The following WDR1 variants were observed in gnomAD, a reference collection of about 807,000 sequenced individuals.
WDR1 encodes WD repeat domain 1, also known as WD repeat-containing protein 1.
WDR1 carries 21 observed loss-of-function variants against 71.9 expected under a neutral mutation model. The ratio of observed to expected loss-of-function variants is 0.29; its 90% confidence interval spans 0.21 to 0.42. The LOEUF is 0.42. Among genes scored for constraint, WDR1 ranks in the 10% least tolerant of loss-of-function variants. The pLI, the probability that WDR1 is intolerant of heterozygous loss-of-function variation, is 1.00. For missense variants in WDR1, 696 were observed against 824.5 expected, an observed-to-expected ratio of 0.84 and a Z score of 1.91; for synonymous variants, 424 against 347.4, an observed-to-expected ratio of 1.22 and a Z score of -2.45.
Position 10,077,874 on chromosome 4 carries a change from C to A in WDR1, c.1448G>T (p.Gly483Val), listed in dbSNP as rs1241526381. ...GGGGCCCTTGGCCTCTAGGAGCTTG[C>A]CCTCATCCTTCAGCGTGGTGCCCAG... ...SILGTTLKDEGKLLEAKGPVT... is the reference protein window; with the variant it reads ...SILGTTLKDEVKLLEAKGPVT... Residue 483 changes from glycine (G) to valine (V), a missense_variant, in exon 13 of 15, where the codon GGC becomes GTC. Physicochemically the swap from Gly to Val is moderately radical, Grantham distance 109 (BLOSUM62 -3). Coordinates refer to ENST00000499869, the MANE Select transcript of WDR1 (RefSeq NM_017491.5). 1 of 1,611,432 alleles carries A rather than the reference C, an allele frequency of 6.2e-7. No homozygotes were observed. The highest frequency in any genetic ancestry group is 2.2e-5 in the East Asian group (1 of 44,768).
intron 9 of WDR1, among the ~76,000 whole-genome samples, chr4:10,083,430 C>T (rs1440576996): frequency 6.6e-6 from 1 of 152,190 alleles, no homozygotes; most frequent in Non-Finnish European, 1.5e-5. Context: ...TACTGGGGAC[C>T]AGCAAGCTGG....
chr4:10,102,031 CA>C (rs1412882561), intron 3 of WDR1, among the ~76,000 whole-genome samples: 3 of 152,228 alleles, frequency 2.0e-5, no homozygotes, highest in Non-Finnish European at 4.4e-5. Flanking sequence ...TACTATGAGC[CA>C]GACTCCGGGC....
intron 8 of WDR1, among the ~76,000 whole-genome samples, chr4:10,086,222 C>T (rs1348460135): frequency 1.3e-5 from 2 of 152,194 alleles, no homozygotes; most frequent in Non-Finnish European, 2.9e-5. Flanking sequence ...CCTCAGCTCC[C>T]CCAGGCAACA....
At chr4:10,105,426 C>A (rs566432787) in intron 2 of WDR1, among the ~76,000 whole-genome samples, 1 of 152,196 alleles carries the variant, frequency 6.6e-6, no homozygotes, top group Admixed American at 6.5e-5. Context: ...ATAAATTAAT[C>A]CATTTTGGGA....
intron 6 of WDR1, 50 bp downstream of exon 6, chr4:10,088,614 G>A: frequency 6.8e-7 from 1 of 1,479,682 alleles, no homozygotes; most frequent in Admixed American, 1.9e-5. Context: ...GCAGTCACGG[G>A]AGCAGGCAGA....
intron 7 of WDR1, 134 bp from the exon 8 acceptor site, chr4:10,088,074 G>T (rs1578425213): frequency 1.0e-6 from 1 of 958,768 alleles, no homozygotes; most frequent in Non-Finnish European, 1.6e-6. Flanking sequence ...CATGAGTGAG[G>T]CCAAGGACAA....
intron 5 of WDR1, chr4:10,093,029 A>G: frequency 7.8e-7 from 1 of 1,284,632 alleles, no homozygotes; most frequent in South Asian, 1.2e-5. Context: ...TCCCACCAAT[A>G]TGCTCCCTCT....
intron 5 of WDR1, among the ~76,000 whole-genome samples, chr4:10,091,362 C>T (rs1004409579): frequency 2.0e-5 from 3 of 152,206 alleles, no homozygotes; most frequent in Non-Finnish European, 4.4e-5. Flanking sequence ...CCAGAAGGCC[C>T]GATCCACTCA....
At chr4:10,100,149 C>T (rs1712603055) in intron 3 of WDR1, among the ~76,000 whole-genome samples, 1 of 152,234 alleles carries the variant, frequency 6.6e-6, no homozygotes, top group East Asian at 1.9e-4. Context: ...ACAACCACCA[C>T]AGCTCTACAG....
At chr4:10,093,307 G>T (rs3822241) in intron 5 of WDR1, 1 of 200,686 alleles carries the variant, frequency 5.0e-6, no homozygotes, top group African/African-American at 2.4e-5. Flanking sequence ...ACAGGCTCTC[G>T]GTCCCCTGTG....
rs772793355 is a variant in WDR1, at chr4:10,078,952, C to A, written c.1334G>T (p.Gly445Val). The A allele has an allele frequency of 6.2e-6, 10 of 1,612,662 alleles. No homozygotes were observed. Among genetic ancestry groups the A allele is most frequent in the Non-Finnish European group, 5.9e-6 (7 of 1,179,234 alleles). ...QRKCFSIDNP[G>V]YEPEVVAVHP... Reference sequence around the variant, plus strand: ...CACTGCCACAACTTCGGGCTCGTAGCCGGGGTTGTCGATGCTGAAGCACTT... The same window carrying A: ...CACTGCCACAACTTCGGGCTCGTAGACGGGGTTGTCGATGCTGAAGCACTT... The change falls in exon 12 of 15, where the codon GGC becomes GTC. Residue 445 changes from glycine (G) to valine (V), a missense_variant. Gly to Val is a moderately radical substitution (Grantham distance 109, BLOSUM62 -3). Coordinates refer to ENST00000499869, the MANE Select transcript of WDR1 (RefSeq NM_017491.5).
intron 5 of WDR1, among the ~76,000 whole-genome samples, chr4:10,095,069 G>A (rs572648351): frequency 6.6e-6 from 1 of 152,348 alleles, no homozygotes; most frequent in East Asian, 1.9e-4. Context: ...GCCACAGGGG[G>A]CCTCTGCAGG....
At chr4:10,088,424 A>C in intron 6 of WDR1, 51 bp from the exon 7 acceptor site, 1 of 1,512,682 alleles carries the variant, frequency 6.6e-7, no homozygotes, top group Non-Finnish European at 9.0e-7. Context: ...CACCCTCTGG[A>C]GTAAGCAGTT....
intron 6 of WDR1, 132 bp from the exon 7 acceptor site, chr4:10,088,505 A>T (rs921609634): frequency 8.8e-7 from 1 of 1,134,616 alleles, no homozygotes; most frequent in Non-Finnish European, 1.3e-6. Context: ...AAAAGCAGAC[A>T]TGCATTTACT....
Position 10,104,081 on chromosome 4 carries a change from C to T in WDR1, c.139-95G>A, listed in dbSNP as rs1454323021. ...ACAGATATGGGGTGAAAGGGGTGTA[C>T]AAAGAAACACTGAAGCTAAAACCGT... On this transcript the variant is annotated intron_variant, in intron 2 of 14. Transcript: ENST00000499869. The T allele has an allele frequency of 7.9e-6, 10 of 1,269,442 alleles. No individual in the cohort carries two copies. The East Asian group carries it at 2.3e-4, about 29-fold the overall frequency. 78.6% of individuals were successfully genotyped at this position (1,269,442 alleles called of 1,614,324 possible).
intron 5 of WDR1, among the ~76,000 whole-genome samples, chr4:10,094,190 C>T (rs1050879293): frequency 4.6e-5 from 7 of 152,202 alleles, no homozygotes; most frequent in African/African-American, 9.7e-5. Flanking sequence ...GCCCCCAGGA[C>T]GACATGCTGC....
At chr4:10,112,455 T>C (rs1713444487) in intron 2 of WDR1, among the ~76,000 whole-genome samples, 1 of 152,178 alleles carries the variant, frequency 6.6e-6, no homozygotes, top group African/African-American at 2.4e-5. Flanking sequence ...ACCATTATAG[T>C]CTTTCACTCT....
intron 2 of WDR1, among the ~76,000 whole-genome samples, chr4:10,109,896 G>A (rs191403807): frequency 5.6e-4 from 85 of 152,298 alleles, no homozygotes; most frequent in South Asian, 1.0e-3. Context: ...CCCTGCCAGG[G>A]CCCAGACAAC....
intron 2 of WDR1, among the ~76,000 whole-genome samples, chr4:10,106,812 G>C (rs1004808745): frequency 6.6e-6 from 1 of 152,184 alleles, no homozygotes; most frequent in African/African-American, 2.4e-5. Flanking sequence ...ATCTGAGTCA[G>C]AGCAGCCTCC....
Sources: allele counts gnomAD v4.1 joint callset (sites outside exome capture counted in the v4.1 genomes callset), GRCh38; gene constraint gnomAD v4.1.1; transcripts MANE v1.5; gene names NCBI Gene and HGNC (gene_info 2026-07-23, HGNC 2026-07-21).